Variants in EIF3B observed in about 807,000 individuals in gnomAD.
EIF3B encodes eukaryotic translation initiation factor 3 subunit B, also known as eukaryotic translation initiation factor 3 subunit 9.
A neutral mutation model predicts 104.6 loss-of-function variants in EIF3B; 10 were observed. The ratio of observed to expected loss-of-function variants is 0.10; its 90% CI spans 0.06 to 0.16. The LOEUF is 0.16. EIF3B is among the 10% of genes least tolerant of loss of function. The pLI is 1.00. For missense variants in EIF3B, 1,014 were observed against 1,087.9 expected (o/e 0.93, Z 0.96); for synonymous variants, 542 against 417.2 (o/e 1.30, Z -3.65).
chr7:2,374,869 T>C (rs996288577), intron 13 of EIF3B: 1 of 384,660 alleles, frequency 2.6e-6, no homozygotes, highest in African/African-American at 2.0e-5. Context: ...GGGTTGTGGT[T>C]CTCTGTGGTT....
intron 14 of EIF3B, 69 bp from the exon 15 acceptor site, chr7:2,376,881 C>G: frequency 3.2e-6 from 5 of 1,561,900 alleles, no homozygotes; most frequent in Non-Finnish European, 4.4e-6. Context: ...CCTTGTTCAG[C>G]AAGTGACATA....
In EIF3B at chr7:2,354,867, G is replaced by A; in HGVS notation, c.-55G>A. On this transcript the variant is annotated 5_prime_UTR_variant, in exon 1 of 19. Transcript: ENST00000360876. ...CCGTCGCGGCGCGCGGTGCGGCCTG[G>A]GAGAGTCGGAAGCGCGGCGGCCGCG... is the stretch of plus-strand genomic sequence containing the variant. 1 of 1,114,422 alleles carries A rather than the reference G, an allele frequency of 9.0e-7. No individual in the cohort carries two copies. The allele number at this position is 1,114,422 out of a possible 1,614,324, so 69.0% of individuals were successfully genotyped here.
intron 9 of EIF3B, among the ~76,000 whole-genome samples, chr7:2,368,844 C>T (rs1419721): frequency 0.017 from 2,650 of 152,310 alleles, 92 homozygotes; most frequent in African/African-American, 0.06. Context: ...AGGACATTGA[C>T]GTTTCTTCTT....
intron 13 of EIF3B, 111 bp downstream of exon 13, chr7:2,374,717 A>C: frequency 9.6e-7 from 1 of 1,037,298 alleles, no homozygotes; most frequent in East Asian, 2.5e-5. Context: ...TTGTGCGCTG[A>C]AAGGGTTGCC....
chr7:2,366,612 C>G, intron 8 of EIF3B, 21 bp downstream of exon 8: 1 of 1,613,754 alleles, frequency 6.2e-7, no homozygotes, highest in Non-Finnish European at 8.5e-7. Flanking sequence ...TCAGTGATGG[C>G]AAACGCCCCG....
chr7:2,354,561 C>A (rs752922323), upstream of EIF3B, among the ~76,000 whole-genome samples: 13 of 152,036 alleles, frequency 8.6e-5, no homozygotes, highest in Non-Finnish European at 1.5e-4. Context: ...CAGCGTCCGA[C>A]GGGAAAGGAA....
chr7:2,370,559 C>T (rs1463039896), intron 10 of EIF3B, among the ~76,000 whole-genome samples: 3 of 152,180 alleles, frequency 2.0e-5, no homozygotes, highest in African/African-American at 7.2e-5. Context: ...CTTTAATTGA[C>T]ATGTAGTTCA....
chr7:2,378,453 TGTGTTGTGTG>T (rs1562494007), intron 15 of EIF3B: 13 of 184,054 alleles, frequency 7.1e-5, no homozygotes, highest in Non-Finnish European at 1.2e-4. Context: ...CCTGGGAAGC[TGTGTTGTGTG>T]AATGACCCTG....
upstream of EIF3B, among the ~76,000 whole-genome samples, chr7:2,354,624 T>C (rs570427787): frequency 6.6e-6 from 1 of 152,122 alleles, no homozygotes; most frequent in Non-Finnish European, 1.5e-5. Flanking sequence ...CATGGGGTGG[T>C]CAATGCTCCC....
chr7:2,355,456 G>A (rs373677746), intron 1 of EIF3B, 36 bp downstream of exon 1: 7 of 1,411,850 alleles, frequency 5.0e-6, no homozygotes, highest in South Asian at 1.5e-5. Context: ...CGAGCGGCGC[G>A]GGAGCGTGGC....
Position 2,354,962 on chromosome 7 carries a change from A to T in EIF3B, c.41A>T (p.Glu14Val). 8.2e-7 allele frequency: 1 copy of T among 1,215,696 alleles called. No homozygotes were observed. The allele number at this position is 1,215,696 out of a possible 1,614,324, so 75.3% of individuals were successfully genotyped here. A position where few individuals can be genotyped will look rare whatever the true frequency, so the allele number is the denominator to read the frequency against. ...AACGTGGCGGTGCCCGAGGCGGCCG[A>T]GGAGCGCGCCGAGCCCGGCCAGCAG... The part of the protein sequence containing the change: ...AENVAVPEAA[E>V]ERAEPGQQQP... Residue 14 changes from glutamate (E) to valine (V), a missense_variant, in exon 1 of 19, where the codon GAG (glutamate) becomes GTG (valine). Around this residue, in one of 4 missense-constraint regions of EIF3B, gnomAD observed 488 missense variants for 404.3 expected, o/e 1.21. Coordinates refer to ENST00000360876, the MANE Select transcript of EIF3B (RefSeq NM_001037283.2).
intron 1 of EIF3B, 114 bp from the exon 2 acceptor site, chr7:2,360,596 G>A: frequency 1.2e-6 from 1 of 852,258 alleles, no homozygotes; most frequent in Non-Finnish European, 1.7e-6. Flanking sequence ...TGCTCACAGT[G>A]AAAGCATTTA....
At chr7:2,357,566 C>T (rs1481355910) in intron 1 of EIF3B, among the ~76,000 whole-genome samples, 1 of 152,204 alleles carries the variant, frequency 6.6e-6, no homozygotes, top group African/African-American at 2.4e-5. Context: ...CTGTAATCAT[C>T]CTTTCAGTTT....
intron 9 of EIF3B, 45 bp from the exon 10 acceptor site, chr7:2,369,427 C>G: frequency 1.3e-6 from 2 of 1,591,570 alleles, no homozygotes; most frequent in Middle Eastern, 1.7e-4. Context: ...TCAGTTTCGT[C>G]ATCACTTGGT....
At chr7:2,365,701 G>C (rs1399492077) in intron 6 of EIF3B, among the ~76,000 whole-genome samples, 1 of 138,750 alleles carries the variant, frequency 7.2e-6, no homozygotes, top group Non-Finnish European at 1.5e-5. Context: ...TTTTGAAACT[G>C]AGTTTCATGC....
At position 2,371,808 on chromosome 7, in the gene EIF3B, T is replaced by C. The variant is rs1780355311; in HGVS notation, c.1646T>C (p.Met549Thr). The change falls in exon 11 of 19, where the codon ATG (methionine) becomes ACG (threonine). Residue 549 changes from methionine to threonine, a missense_variant. Around this residue, in one of 4 missense-constraint regions of EIF3B, gnomAD observed 59 missense variants for 118.8 expected, o/e 0.50. Coordinates refer to ENST00000360876, the MANE Select transcript of EIF3B (RefSeq NM_001037283.2). Reference protein sequence around the residue: ...GVVTNFEIFRMREKQVPVDVV... With the variant: ...GVVTNFEIFRTREKQVPVDVV... ...GTCACAAATTTTGAAATTTTCCGAA[T>C]GAGGGAGAAACAGGTACCTGTGGAT... 2 of 1,613,988 alleles carry C rather than the reference T, an allele frequency of 1.2e-6. No individual in the cohort carries two copies. Among genetic ancestry groups the C allele is most frequent in the Non-Finnish European group, 1.7e-6 (2 of 1,179,950 alleles).
Position 2,380,308 on chromosome 7 carries a change from C to T in EIF3B, c.*119C>T, listed in dbSNP as rs753746732. The T allele has an allele frequency of 3.7e-5, 19 of 516,462 alleles. No individual in the cohort carries two copies. Among genetic ancestry groups the T allele is most frequent in the Admixed American group, 9.8e-5 (5 of 51,148 alleles). 32.0% of individuals were successfully genotyped at this position (516,462 alleles called of 1,614,324 possible). ...GCCGTGTGTGCTGTGGAGCCGAGGC[C>T]GTCCTGCAGGAAGCCGCGTGACTCC... On this transcript the variant is annotated 3_prime_UTR_variant, in exon 19 of 19. Transcript: ENST00000360876.
rs1780791222 is a variant in EIF3B, at chr7:2,378,389, T to TGCTGGGAAGCC, written c.2155-299_2155-298insCTGGGAAGCCG. ...GAACAGGCGAGCGCTCCTGGGATGCTGTGTTGTGTGAATGACCCTGGGTGT... is the reference window on the plus strand; with the variant it reads ...GAACAGGCGAGCGCTCCTGGGATGCTGCTGGGAAGCCGTGTTGTGTGAATGACCCTGGGTGT... On this transcript the variant is annotated intron_variant, in intron 15 of 18. Coordinates refer to ENST00000360876, the MANE Select transcript of EIF3B (RefSeq NM_001037283.2). 1.7e-5 allele frequency: 5 copies of TGCTGGGAAGCC among 286,648 alleles called. No homozygotes were observed. The African/African-American group carries it at 1.9e-4, about 11-fold the overall frequency. 17.8% of individuals were successfully genotyped at this position (286,648 alleles called of 1,614,324 possible). A position where few individuals can be genotyped will look rare whatever the true frequency, so the allele number is the denominator to read the frequency against.
intron 18 of EIF3B, 41 bp from the exon 19 acceptor site, chr7:2,380,163 T>C: frequency 3.0e-6 from 1 of 338,698 alleles, no homozygotes; most frequent in African/African-American, 2.2e-5. Flanking sequence ...CTCAGCCTTT[T>C]GAGGTGGTGC....
Sources: gnomAD v4.1 joint callset for allele counts (sites outside exome capture counted in the v4.1 genomes callset) on GRCh38, gnomAD v4.1.1 for gene constraint, gnomAD v4.1.1 regional missense constraint, MANE v1.5 for transcripts, NCBI Gene and HGNC (gene_info 2026-07-23, HGNC 2026-07-21) for gene names.